Variants in FANCL observed in about 807,000 individuals in gnomAD.
The protein encoded by FANCL is E3 ubiquitin-protein ligase FANCL.
A neutral mutation model predicts 59.4 loss-of-function variants in FANCL; 69 were observed. That is an observed-to-expected ratio of 1.16 (90% confidence interval 0.96 to 1.42). The LOEUF (loss-of-function observed/expected upper bound fraction) is 1.42. Ranked by LOEUF, FANCL falls within the 40% of genes most tolerant of loss-of-function variation. The pLI is 0.00. For synonymous variants in FANCL, 180 were observed against 147.1 expected, an observed-to-expected ratio of 1.22 and a Z score of -1.62; for missense variants, 519 against 447.2, an observed-to-expected ratio of 1.16 and a Z score of -1.45.
Position 58,198,643 on chromosome 2 carries a change from T to C in FANCL, c.491A>G (p.Asp164Gly). 2 of 1,613,770 alleles carry C rather than the reference T, an allele frequency of 1.2e-6. No individual in the cohort carries two copies. The highest frequency in any genetic ancestry group is 1.7e-6 in the Non-Finnish European group (2 of 1,179,694). The change falls in exon 7 of 14, where the codon GAT becomes GGT. Residue 164 changes from aspartate to glycine, a missense_variant. Asp to Gly is a moderately conservative substitution (Grantham distance 94). Transcript: ENST00000233741. ...TGGAACAGGAAAATCCACAAAATAA[T>C]CTGGTGATTCTGCAGGATACTATTA... ...LKAKYPAESP[D>G]YFVDFPVPFC... is the part of the protein sequence containing the mutation.
intron 6 of FANCL, among the ~76,000 whole-genome samples, chr2:58,202,962 A>C (rs1466220970): frequency 6.6e-6 from 1 of 151,634 alleles, no homozygotes; most frequent in Admixed American, 6.6e-5. Context: ...GCTTTGAAGG[A>C]AATGACAGAA....
intron 7 of FANCL, among the ~76,000 whole-genome samples, chr2:58,178,354 C>A (rs1057515269): frequency 2.6e-5 from 4 of 152,104 alleles, no homozygotes; most frequent in African/African-American, 9.7e-5. Flanking sequence ...CAAACCTAAT[C>A]TAGCAGCACA....
rs1229925275 is a variant in FANCL, at chr2:58,173,713, A to C, written c.541-7839T>G. On this transcript the variant is annotated intron_variant, in intron 7 of 13. Transcript: ENST00000233741. ...AATTGTAAAGACCATCGAGGCTAGG[A>C]AGAAACTGCATCAACTAACAAGCAA... Among the ~76,000 whole-genome samples, 5 of 152,196 alleles carry C rather than the reference A, an allele frequency of 3.3e-5. No individual in the cohort carries two copies. The East Asian group carries it at 9.6e-4, about 29-fold the overall frequency.
intron 7 of FANCL, among the ~76,000 whole-genome samples, chr2:58,177,816 C>CA (rs570582054): frequency 7.1e-4 from 104 of 145,592 alleles, no homozygotes; most frequent in African/African-American, 1.6e-3. Flanking sequence ...AAAGAAAAAA[C>CA]AAAAAAAACC....
chr2:58,229,892 CA>C lies in FANCL; in HGVS notation c.156-19del. ...ATAATAATCTAAAATTTTAATGAGA[CA>C]AAATGGTTTATTCATTGTTCAGAAT... is the stretch of plus-strand genomic sequence containing the variant. On this transcript the variant is annotated intron_variant, in intron 2 of 13. Coordinates refer to ENST00000233741, the MANE Select transcript of FANCL (RefSeq NM_018062.4). The C allele has an allele frequency of 6.4e-7, 1 of 1,568,500 alleles. No individual in the cohort carries two copies. The highest frequency in any genetic ancestry group is 1.3e-5 in the African/African-American group (1 of 74,080).
intron 5 of FANCL, among the ~76,000 whole-genome samples, chr2:58,205,645 G>A (rs1020874648): frequency 6.6e-6 from 1 of 151,984 alleles, no homozygotes; most frequent in African/African-American, 2.4e-5. Flanking sequence ...AAAGAAGAAG[G>A]AATAGTATTA....
Position 58,178,065 on chromosome 2 carries a change from C to T in FANCL, c.541-12191G>A, listed in dbSNP as rs557277881. On this transcript the variant is annotated intron_variant, in intron 7 of 13. Coordinates refer to ENST00000233741, the MANE Select transcript of FANCL (RefSeq NM_018062.4). ...GAAGAAGTCAAATCCCGAAATAGAT[C>T]GATAACAACTTCTGAAATTGAGGCA... is the stretch of plus-strand genomic sequence containing the variant. Among the ~76,000 whole-genome samples the T allele has an allele frequency of 3.3e-5, 5 of 152,126 alleles. No individual in the cohort carries two copies. In the South Asian group the frequency reaches 8.3e-4, roughly 25 times the overall value.
intron 1 of FANCL, among the ~76,000 whole-genome samples, chr2:58,232,347 A>G (rs761175143): frequency 6.6e-6 from 1 of 152,134 alleles, no homozygotes. Context: ...AAACACTCAG[A>G]TAAGACTTTG....
At position 58,165,879 on chromosome 2, in the gene FANCL, G is replaced by GA. The variant is rs746526500; in HGVS notation, c.541-6dup. The stretch of plus-strand genomic sequence containing the variant: ...ATAAATGCTTATTAAGGAGCTCTGT[G>GA]AAAAAAATGAAAGTTGAATAAGTTA... On this transcript the variant is annotated splice_polypyrimidine_tract_variant and splice_region_variant and intron_variant, in intron 7 of 13. Coordinates refer to ENST00000233741, the MANE Select transcript of FANCL (RefSeq NM_018062.4). The GA allele has an allele frequency of 3.7e-6, 6 of 1,613,264 alleles. No individual in the cohort carries two copies. The highest frequency in any genetic ancestry group is 1.6e-4 in the Middle Eastern group (1 of 6,084).
At chr2:58,237,084 C>T (rs1558831583) in intron 1 of FANCL, among the ~76,000 whole-genome samples, 1 of 152,210 alleles carries the variant, frequency 6.6e-6, no homozygotes, top group East Asian at 1.9e-4. Flanking sequence ...CACAGTGCTA[C>T]CCAATAAGGG....
At chr2:58,166,439 T>C (rs1685960565) in intron 7 of FANCL, among the ~76,000 whole-genome samples, 1 of 152,194 alleles carries the variant, frequency 6.6e-6, no homozygotes, top group Non-Finnish European at 1.5e-5. Flanking sequence ...TTTCCACATT[T>C]AACTTTTAGC....
rs112116596 is a variant in FANCL at position 58,212,004 on chromosome 2, C to T, written c.375-7778G>A. ...TCTGCCTGCTACCCAGTTCCAAAGT[C>T]GCTTCCACATTTTCAGGTATCTTCT... On this transcript the variant is annotated intron_variant, in intron 5 of 13. Coordinates refer to ENST00000233741, the MANE Select transcript of FANCL (RefSeq NM_018062.4). Among the ~76,000 whole-genome samples, 320 of 152,318 alleles carry T rather than the reference C, an allele frequency of 2.1e-3. 2 individuals carry two copies. The highest frequency in any genetic ancestry group is 7.2e-3 in the African/African-American group (298 of 41,572).
At chr2:58,194,047 T>C (rs1689192461) in intron 7 of FANCL, among the ~76,000 whole-genome samples, 1 of 152,182 alleles carries the variant, frequency 6.6e-6, no homozygotes, top group Admixed American at 6.6e-5. Flanking sequence ...CATCAGATTA[T>C]CAGCCAGAGG....
chr2:58,193,624 A>G (rs1689151804), intron 7 of FANCL, among the ~76,000 whole-genome samples: 1 of 152,140 alleles, frequency 6.6e-6, no homozygotes, highest in African/African-American at 2.4e-5. Context: ...GAAAAAGCAT[A>G]AGAAATTAAC....
intron 7 of FANCL, among the ~76,000 whole-genome samples, chr2:58,167,113 G>C (rs1395775102): frequency 6.6e-6 from 1 of 152,236 alleles, no homozygotes; most frequent in Non-Finnish European, 1.5e-5. Flanking sequence ...TTGGGAGACA[G>C]AGGCAGGAGA....
intron 7 of FANCL, among the ~76,000 whole-genome samples, chr2:58,192,786 C>T (rs1338270426): frequency 3.3e-4 from 50 of 151,774 alleles, no homozygotes; most frequent in Admixed American, 3.3e-3. Context: ...AAAGAATCAG[C>T]TAACAGCCAA....
intron 7 of FANCL, among the ~76,000 whole-genome samples, chr2:58,187,594 A>C (rs1192778185): frequency 1.3e-5 from 2 of 152,144 alleles, no homozygotes; most frequent in Non-Finnish European, 2.9e-5. Context: ...TTGCAAAGAA[A>C]GTGAAGTTGG....
intron 6 of FANCL, among the ~76,000 whole-genome samples, chr2:58,203,818 C>CT (rs1385692037): frequency 2.0e-5 from 3 of 151,996 alleles, no homozygotes; most frequent in African/African-American, 7.2e-5. Flanking sequence ...GAAGTGTCCA[C>CT]TGTCTTCTAC....
intron 3 of FANCL, among the ~76,000 whole-genome samples, chr2:58,227,002 A>G (rs868701258): frequency 1.3e-5 from 2 of 152,348 alleles, no homozygotes; most frequent in South Asian, 4.1e-4. Flanking sequence ...TTGCTGAGAT[A>G]TATTAAACTG....
Sources: gnomAD v4.1 joint callset for allele counts (sites outside exome capture counted in the v4.1 genomes callset) on GRCh38, gnomAD v4.1.1 for gene constraint, MANE v1.5 for transcripts, NCBI Gene and HGNC (gene_info 2026-07-23, HGNC 2026-07-21) for gene names.